The following FADS2 variants were observed in gnomAD, a reference collection of about 807,000 sequenced individuals.
FADS2 encodes acyl-CoA 6-desaturase.
Under a neutral mutation model 61.2 loss-of-function variants are expected in FADS2, and 18 were observed. The ratio of observed to expected loss-of-function variants is 0.29; its 90% CI spans 0.20 to 0.44. FADS2 has a LOEUF of 0.44. Ranked by LOEUF, FADS2 falls within the 20% of genes least tolerant of loss-of-function variation. The probability of loss-of-function intolerance (pLI) is 1.00; values close to 1 mark genes in which losing one functional copy is unlikely to be tolerated. For synonymous variants in FADS2, 203 were observed against 223.9 expected, an observed-to-expected ratio of 0.91 and a Z score of 0.83; for missense variants, 322 against 572.7, an observed-to-expected ratio of 0.56 and a Z score of 4.47.
In FADS2 at chr11:61,817,031, A is replaced by G. The variant is rs753359777; in HGVS notation, c.141+605A>G. 4.0e-4 allele frequency: 510 copies of G among 1,270,664 alleles called. 1 individual carries two copies. Among genetic ancestry groups the G allele is most frequent in the Non-Finnish European group, 4.9e-4 (488 of 990,934 alleles). 78.7% of individuals were successfully genotyped at this position (1,270,664 alleles called of 1,614,324 possible). A position where few individuals can be genotyped will look rare whatever the true frequency, so the allele number is the denominator to read the frequency against. ...CACGCGCCCCCTCGCGGGCTCCCTAAAGGCGTCGCCGCCGGATTCGACTTC... is the reference window on the plus strand; with the variant it reads ...CACGCGCCCCCTCGCGGGCTCCCTAGAGGCGTCGCCGCCGGATTCGACTTC... On this transcript the variant is annotated intron_variant, in intron 1 of 11. Coordinates refer to the FADS2 transcript ENST00000257261.
chr11:61,823,952 TAATA>T (rs1565324933), upstream of FADS2, among the ~76,000 whole-genome samples: 1 of 152,344 alleles, frequency 6.6e-6, no homozygotes, highest in Non-Finnish European at 1.5e-5. Context: ...CACCACATAT[TAATA>T]AATCATTATC....
At chr11:61,860,309 A>G (rs1325036469) in intron 7 of FADS2, among the ~76,000 whole-genome samples, 1 of 152,222 alleles carries the variant, frequency 6.6e-6, no homozygotes, top group African/African-American at 2.4e-5. Flanking sequence ...ACCCTGGCTT[A>G]GAGGAAAGAG....
At chr11:61,835,694 CTCT>C (rs906632681) in intron 1 of FADS2, among the ~76,000 whole-genome samples, 3 of 152,018 alleles carry the variant, frequency 2.0e-5, no homozygotes, top group Non-Finnish European at 2.9e-5. Context: ...ACCCGGCCCC[CTCT>C]TCTTTTTAAT....
intron 4 of FADS2, among the ~76,000 whole-genome samples, chr11:61,841,018 C>A (rs1442095440): frequency 1.3e-5 from 2 of 151,748 alleles, no homozygotes; most frequent in African/African-American, 4.8e-5. Flanking sequence ...ACTCATCTAA[C>A]AAATCTGTTT....
chr11:61,845,244 C>T (rs1474589386), intron 4 of FADS2, among the ~76,000 whole-genome samples: 6 of 151,912 alleles, frequency 3.9e-5, no homozygotes, highest in Non-Finnish European at 5.9e-5. Context: ...TGCGTGGACA[C>T]TTAGCTTTCC....
At chr11:61,864,305 G>A (rs111914387) in intron 10 of FADS2, 1 of 152,372 alleles carries the variant, frequency 6.6e-6, no homozygotes. Flanking sequence ...CTGAGCTAAA[G>A]TCATCCTCCC....
intron 1 of FADS2, among the ~76,000 whole-genome samples, chr11:61,834,661 C>T (rs2067155973): frequency 6.6e-6 from 1 of 152,156 alleles, no homozygotes; most frequent in African/African-American, 2.4e-5. Context: ...TTGAGTCTTG[C>T]CTTTCAATGA....
At position 61,828,765 on chromosome 11, in the gene FADS2, T is replaced by A; in HGVS notation, c.207+168T>A. On this transcript the variant is annotated intron_variant, in intron 1 of 11. Transcript: ENST00000278840. This position sits in a 1 kb window ranked among gnomAD's most constrained non-coding sequence, Gnocchi z 6.4. ...CGTACCCCCTCCCCAATCCTCCTCC[T>A]CCTCTGGGCCGACTGGGGTGGAGAC... is the stretch of plus-strand genomic sequence containing the variant. The A allele has an allele frequency of 1.6e-6, 1 of 617,032 alleles. No individual in the cohort carries two copies. Among genetic ancestry groups the A allele is most frequent in the Non-Finnish European group, 2.8e-6 (1 of 359,822 alleles). The allele number at this position is 617,032 out of a possible 1,614,324, so 38.2% of individuals were successfully genotyped here. A position where few individuals can be genotyped will look rare whatever the true frequency, so the allele number is the denominator to read the frequency against.
Position 61,840,507 on chromosome 11 carries a change from G to A in FADS2, c.492G>A (p.Thr164=), listed in dbSNP as rs773449122. ...FGNGWIPTLI[T]AFVLATSQAQ... ...ATGGCTGGATTCCTACCCTCATCAC[G>A]GCCTTTGTCCTTGCTACCTCTCAGG... is the stretch of plus-strand genomic sequence containing the variant. Residue 164 remains threonine, a synonymous_variant, in exon 3 of 12, where the codon ACG becomes ACA. Coordinates refer to ENST00000278840, the MANE Select transcript of FADS2 (RefSeq NM_004265.4). The A allele has an allele frequency of 7.4e-5, 120 of 1,613,924 alleles. No individual in the cohort carries two copies. The highest frequency in any genetic ancestry group is 8.9e-5 in the Non-Finnish European group (105 of 1,180,020).
intron 4 of FADS2, 157 bp from the exon 5 acceptor site, chr11:61,848,002 C>T (rs1043942146): frequency 6.5e-6 from 5 of 768,342 alleles, no homozygotes; most frequent in Non-Finnish European, 1.1e-5. Context: ...GCTCTGAGCT[C>T]AGTCATGGCA....
rs2067459899 is a variant in FADS2, at chr11:61,865,417, G to A, written c.1283+140G>A. The A allele has an allele frequency of 8.6e-7, 1 of 1,162,610 alleles. No homozygotes were observed. Among genetic ancestry groups the A allele is most frequent in the Non-Finnish European group, 1.2e-6 (1 of 831,090 alleles). 72.0% of individuals were successfully genotyped at this position (1,162,610 alleles called of 1,614,324 possible). On this transcript the variant is annotated intron_variant, in intron 11 of 11. Transcript: ENST00000278840. The surrounding 1 kb of genome is among the most constrained non-coding windows in gnomAD (Gnocchi z 4.1). Reference sequence around the variant, plus strand: ...TACTCCCGAGCCTGTGTTAGGAGCTGTTGGGCTTTTCTCCCTGGGCTGCGA... The same window carrying A: ...TACTCCCGAGCCTGTGTTAGGAGCTATTGGGCTTTTCTCCCTGGGCTGCGA...
intron 1 of FADS2, chr11:61,817,050 C>A (rs2066992891): frequency 8.5e-7 from 1 of 1,173,766 alleles, no homozygotes; most frequent in African/African-American, 1.6e-5. Context: ...CCGCCGGATT[C>A]GACTTCCTGA....
At chr11:61,824,459 G>A (rs7395230), upstream of FADS2, among the ~76,000 whole-genome samples, 1,967 of 5,674 alleles carry the variant, frequency 0.35, 582 homozygotes, top group East Asian at 0.86. Context: ...AGGGAGGGAG[G>A]GAGAGAGAGA....
intron 4 of FADS2, among the ~76,000 whole-genome samples, chr11:61,843,310 G>A (rs567196961): frequency 6.6e-6 from 1 of 152,330 alleles, no homozygotes; most frequent in South Asian, 2.1e-4. Flanking sequence ...CATGCTTGTA[G>A]TCCCAGCTAC....
At chr11:61,862,831 T>C (rs904779104) in intron 7 of FADS2, 141 bp from the exon 8 acceptor site, 4 of 683,406 alleles carry the variant, frequency 5.9e-6, no homozygotes, top group Non-Finnish European at 1.1e-5. Flanking sequence ...GCAGGTGGCG[T>C]GTAGTTGCCC....
At chr11:61,853,449 A>C (rs1027798591) in intron 5 of FADS2, among the ~76,000 whole-genome samples, 1 of 151,968 alleles carries the variant, frequency 6.6e-6, no homozygotes, top group Non-Finnish European at 1.5e-5. Flanking sequence ...GCTGAGTTTA[A>C]TAGCGGTGAT....
At position 61,863,288 on chromosome 11, in the gene FADS2, GGA is replaced by G; in HGVS notation, c.991_992del (p.Ser331ProfsTer17). 1 of 1,613,770 alleles carries G rather than the reference GGA, an allele frequency of 6.2e-7. No homozygotes were observed. Among genetic ancestry groups the G allele is most frequent in the South Asian group, 1.1e-5 (1 of 91,072 alleles). On this transcript the variant is annotated frameshift_variant, in exon 9 of 12. Coordinates refer to ENST00000278840, the MANE Select transcript of FADS2 (RefSeq NM_004265.4). LOFTEE classifies it high-confidence loss of function. Reference sequence around the variant, plus strand: ...GAGCTGTGTTCTCTTGCAGGTTCCTGGAGAGCCACTGGTTTGTGTGGGTCACA... The same window carrying G: ...GAGCTGTGTTCTCTTGCAGGTTCCTGGAGCCACTGGTTTGTGTGGGTCACA... The part of the protein sequence containing the change: ...LLFLNFIRFL[E>X]SHWFVWVTQM...
chr11:61,855,373 C>T (rs894203032), intron 5 of FADS2: 1 of 152,286 alleles, frequency 6.6e-6, no homozygotes, highest in Non-Finnish European at 1.5e-5. Context: ...CTGTGGGCCA[C>T]TGCAGGCCCC....
At chr11:61,856,958 G>T in intron 5 of FADS2, 53 bp from the exon 6 acceptor site, 1 of 1,432,576 alleles carries the variant, frequency 7.0e-7, no homozygotes, top group Non-Finnish European at 9.9e-7. Flanking sequence ...GGGGAACATG[G>T]GAGGCTGGGA....
Sources: gnomAD v4.1 joint callset for allele counts (sites outside exome capture counted in the v4.1 genomes callset) on GRCh38, gnomAD v4.1.1 for gene constraint, Gnocchi (gnomAD v3.1) non-coding constraint, MANE v1.5 for transcripts, NCBI Gene and HGNC (gene_info 2026-07-23, HGNC 2026-07-21) for gene names.